COL19A1: variants seen among roughly 807,000 people sequenced by gnomAD.
COL19A1 encodes collagen alpha-1(XIX) chain.
A neutral mutation model predicts 190.2 loss-of-function variants in COL19A1; 159 were observed. The observed-to-expected ratio is 0.84, with a 90% CI of 0.73 to 0.95. The LOEUF is 0.95. Among genes scored for constraint, COL19A1 ranks in the 40% least tolerant of loss-of-function variants. The pLI is 0.00. For synonymous variants in COL19A1, 509 were observed against 458.9 expected (o/e 1.11, Z -1.39); for missense variants, 1,418 against 1,431.9 (o/e 0.99, Z 0.16).
chr6:70,034,240 T>C lies in COL19A1; in HGVS notation c.1081-5T>C, dbSNP rs755278478. The C allele has an allele frequency of 6.2e-7, 1 of 1,605,120 alleles. No individual in the cohort carries two copies. Reference sequence around the variant, plus strand: ...AACTGTGTATTGGTTATATTCTTTCTACAGGGTTTGAAAGGTGACTTGGGT... The same window carrying C: ...AACTGTGTATTGGTTATATTCTTTCCACAGGGTTTGAAAGGTGACTTGGGT... On this transcript the variant is annotated splice_region_variant and splice_polypyrimidine_tract_variant and intron_variant, in intron 12 of 50. Coordinates refer to ENST00000620364, the MANE Select transcript of COL19A1 (RefSeq NM_001858.6).
intron 2 of COL19A1, among the ~76,000 whole-genome samples, chr6:69,894,472 A>G (rs1260285747): frequency 1.3e-5 from 2 of 152,218 alleles, no homozygotes; most frequent in Non-Finnish European, 2.9e-5. Context: ...TTAATTTCTC[A>G]AAGATTAAAG....
chr6:69,963,534 C>A (rs1309135249), intron 11 of COL19A1, among the ~76,000 whole-genome samples: 1 of 152,122 alleles, frequency 6.6e-6, no homozygotes, highest in Admixed American at 6.6e-5. Context: ...AAGGGGAAAT[C>A]AGGGCAATAA....
chr6:70,101,764 C>A (rs934474981), intron 15 of COL19A1, among the ~76,000 whole-genome samples: 1 of 152,122 alleles, frequency 6.6e-6, no homozygotes, highest in African/African-American at 2.4e-5. Context: ...CCTCAAATAA[C>A]TCATACAAAA....
chr6:69,991,544 C>A (rs1464767713), intron 11 of COL19A1, among the ~76,000 whole-genome samples: 1 of 152,032 alleles, frequency 6.6e-6, no homozygotes, highest in Non-Finnish European at 1.5e-5. Context: ...ACCTTGCCAA[C>A]ATCTGTTATT....
At chr6:70,032,506 A>G (rs1014476743) in intron 12 of COL19A1, among the ~76,000 whole-genome samples, 1 of 152,214 alleles carries the variant, frequency 6.6e-6, no homozygotes, top group Non-Finnish European at 1.5e-5. Flanking sequence ...TTTTTCTAGT[A>G]ACCAAATTAA....
At chr6:70,090,643 A>G (rs1207498208) in intron 15 of COL19A1, among the ~76,000 whole-genome samples, 1 of 152,144 alleles carries the variant, frequency 6.6e-6, no homozygotes, top group East Asian at 1.9e-4. Context: ...AGTTCTATTG[A>G]GCTTCTGTAT....
chr6:70,027,290 A>C (rs952225100), intron 12 of COL19A1, among the ~76,000 whole-genome samples: 8 of 152,234 alleles, frequency 5.3e-5, no homozygotes, highest in Non-Finnish European at 1.2e-4. Context: ...ATAATAACTT[A>C]TTTTGTGCCA....
chr6:70,186,428 A>G (rs1392694417), intron 46 of COL19A1, among the ~76,000 whole-genome samples: 1 of 152,220 alleles, frequency 6.6e-6, no homozygotes, highest in African/African-American at 2.4e-5. Flanking sequence ...AGACAGTAGC[A>G]TTGATACCAG....
rs115400915 is a variant in COL19A1 at position 69,920,749 on chromosome 6, A to G, written c.267-7160A>G. On this transcript the variant is annotated intron_variant, in intron 4 of 50. Transcript: ENST00000620364. ...AGACAATTTAAAAAAAGGATAAATT[A>G]CACTTAAATTTCACTGAGTCTAGGC... 2.5e-3 allele frequency among the ~76,000 whole-genome samples: 378 copies of G among 151,852 alleles called. 6 individuals are homozygous for G. The highest frequency in any genetic ancestry group is 8.5e-3 in the African/African-American group (352 of 41,428).
intron 42 of COL19A1, among the ~76,000 whole-genome samples, chr6:70,177,087 T>C (rs1765861039): frequency 6.6e-6 from 1 of 152,200 alleles, no homozygotes; most frequent in African/African-American, 2.4e-5. Flanking sequence ...TCAAATGTTT[T>C]AATCTCATCA....
In COL19A1 at chr6:70,165,949, C is replaced by G. The variant is rs907043038; in HGVS notation, c.2409C>G (p.Asp803Glu). ...CTATATATCCCTTGCAGGGCAGCGA[C>G]GGACCCCCTGGGAAACCCGGACCAC... ...PTGAKGEKGS[D>E]GPPGKPGPPG... Residue 803 changes from aspartate (D) to glutamate (E), a missense_variant, in exon 37 of 51, where the codon GAC becomes GAG. Physicochemically the swap from Asp to Glu is conservative, Grantham distance 45. Transcript: ENST00000620364. The G allele has an allele frequency of 3.1e-6, 5 of 1,613,852 alleles. No individual in the cohort carries two copies. Among genetic ancestry groups the G allele is most frequent in the Admixed American group, 3.3e-5 (2 of 59,990 alleles).
chr6:69,878,254 C>T (rs1561955821), intron 1 of COL19A1, among the ~76,000 whole-genome samples: 1 of 151,752 alleles, frequency 6.6e-6, no homozygotes, highest in East Asian at 1.9e-4. Flanking sequence ...TGCTCTGTCA[C>T]CCAGGCTGGA....
In COL19A1 at chr6:70,180,305, T is replaced by C. The variant is rs1289173955; in HGVS notation, c.2668-7T>C. On this transcript the variant is annotated splice_region_variant and splice_polypyrimidine_tract_variant and intron_variant, in intron 42 of 50. Coordinates refer to ENST00000620364, the MANE Select transcript of COL19A1 (RefSeq NM_001858.6). ...TCCTAACATTTCTCTTCAATTTGCC[T>C]TGCCAGGGAAAACCTGGTGCCCCAG... is the stretch of plus-strand genomic sequence containing the variant. 1.2e-6 allele frequency: 2 copies of C among 1,614,012 alleles called. No individual in the cohort carries two copies. Among genetic ancestry groups the C allele is most frequent in the African/African-American group, 1.3e-5 (1 of 74,932 alleles).
intron 2 of COL19A1, chr6:69,890,899 C>G (rs2105283): frequency 6.3e-6 from 1 of 159,358 alleles, no homozygotes; most frequent in Admixed American, 6.1e-5. Flanking sequence ...ATTGCCATTA[C>G]ATTAAGGATA....
In COL19A1 at chr6:70,211,304, C is replaced by T. The variant is rs555323687; in HGVS notation, c.*4030C>T. Among the ~76,000 whole-genome samples, 10 of 151,970 alleles carry T rather than the reference C, an allele frequency of 6.6e-5. No homozygotes were observed. Among genetic ancestry groups the T allele is most frequent in the African/African-American group, 1.9e-4 (8 of 41,462 alleles). On this transcript the variant is annotated 3_prime_UTR_variant, in exon 51 of 51. Coordinates refer to ENST00000620364, the MANE Select transcript of COL19A1 (RefSeq NM_001858.6). The stretch of plus-strand genomic sequence containing the variant: ...GAATTTCTGTTAAGTGTTTTGCTGA[C>T]GTTGTTTTAATGAATACTCAAAAAA...
rs953878422 is a variant in COL19A1, at chr6:70,199,061, C to T, written c.3095-547C>T. The stretch of plus-strand genomic sequence containing the variant: ...AAGAGAGAAAGCAACTAGGAAGCCA[C>T]GATGTCTTTTATGACCTCATCTCTC... On this transcript the variant is annotated intron_variant, in intron 48 of 50. Coordinates refer to ENST00000620364, the MANE Select transcript of COL19A1 (RefSeq NM_001858.6). 3.3e-5 allele frequency among the ~76,000 whole-genome samples: 5 copies of T among 152,212 alleles called. No individual in the cohort carries two copies. In the East Asian group the frequency reaches 5.8e-4, roughly 18 times the overall value.
chr6:70,187,399 A>C (rs1766597063), intron 46 of COL19A1, among the ~76,000 whole-genome samples: 1 of 151,962 alleles, frequency 6.6e-6, no homozygotes, highest in African/African-American at 2.4e-5. Context: ...AATAAAGCAC[A>C]AACAAACAGG....
chr6:69,912,885 C>T (rs1046813285), intron 4 of COL19A1, among the ~76,000 whole-genome samples: 6 of 152,076 alleles, frequency 3.9e-5, no homozygotes, highest in Non-Finnish European at 7.4e-5. Flanking sequence ...CCCAGGAGTT[C>T]GAGATCAGCT....
At chr6:70,025,456 C>T (rs1359947846) in intron 12 of COL19A1, among the ~76,000 whole-genome samples, 2 of 152,184 alleles carry the variant, frequency 1.3e-5, no homozygotes, top group African/African-American at 4.8e-5. Context: ...CATTGAGTGC[C>T]TGCTACATGT....
Sources: gnomAD v4.1 joint callset for allele counts (sites outside exome capture counted in the v4.1 genomes callset) on GRCh38, gnomAD v4.1.1 for gene constraint, MANE v1.5 for transcripts, NCBI Gene and HGNC (gene_info 2026-07-23, HGNC 2026-07-21) for gene names.